TAFA4: variants seen among roughly 807,000 people sequenced by gnomAD.
The protein encoded by TAFA4 is TAFA chemokine like family member 4, also known as chemokine-like protein TAFA-4.
TAFA4 carries 20 observed loss-of-function variants against 21.1 expected under a neutral mutation model. The observed-to-expected ratio is 0.95, with a 90% CI of 0.67 to 1.38. The LOEUF (loss-of-function observed/expected upper bound fraction) is 1.38, where lower values mean the gene tolerates loss of function less well. TAFA4 is among the 40% of genes most tolerant of loss of function. The pLI is 0.00. For synonymous variants in TAFA4, 71 were observed against 67.4 expected (o/e 1.05, Z -0.26); for missense variants, 211 against 180.9 (o/e 1.17, Z -0.95).
At chr3:68,930,464 T>G (rs949409859) in intron 1 of TAFA4, among the ~76,000 whole-genome samples, 1 of 152,156 alleles carries the variant, frequency 6.6e-6, no homozygotes, top group Non-Finnish European at 1.5e-5. Flanking sequence ...TATAATAAAT[T>G]TTAAAGTGTC....
At chr3:68,873,376 A>ACACACACACC (rs1491286222) in intron 3 of TAFA4, among the ~76,000 whole-genome samples, 2 of 138,568 alleles carry the variant, frequency 1.4e-5, no homozygotes, top group East Asian at 6.2e-4. Context: ...ACACACACAC[A>ACACACACACC]CCCTGGGCCA....
At chr3:68,775,374 GA>G (rs1703030935) in intron 3 of TAFA4, among the ~76,000 whole-genome samples, 1 of 152,078 alleles carries the variant, frequency 6.6e-6, no homozygotes, top group African/African-American at 2.4e-5. Context: ...AATGTGGCAG[GA>G]AATCTGTTCC....
intron 3 of TAFA4, among the ~76,000 whole-genome samples, chr3:68,779,604 A>T (rs888875770): frequency 1.3e-5 from 2 of 152,236 alleles, no homozygotes; most frequent in African/African-American, 4.8e-5. Context: ...AGAGGGTTGA[A>T]GCCCCACGAC....
At chr3:68,737,575 A>G (rs372966675) in intron 5 of TAFA4, among the ~76,000 whole-genome samples, 1 of 152,216 alleles carries the variant, frequency 6.6e-6, no homozygotes, top group African/African-American at 2.4e-5. Context: ...AATCTGGGGT[A>G]TAATATCAGC....
chr3:68,804,928 G>C (rs1703660720), intron 3 of TAFA4, among the ~76,000 whole-genome samples: 1 of 152,112 alleles, frequency 6.6e-6, no homozygotes, highest in South Asian at 2.1e-4. Flanking sequence ...AAAAGCAATG[G>C]CAACAAAAGC....
intron 3 of TAFA4, among the ~76,000 whole-genome samples, chr3:68,811,197 G>A (rs561234473): frequency 6.6e-6 from 1 of 152,160 alleles, no homozygotes; most frequent in South Asian, 2.1e-4. Context: ...AAGACCAAAG[G>A]GTAGATAATA....
At chr3:68,914,215 A>G (rs964584144) in intron 1 of TAFA4, among the ~76,000 whole-genome samples, 1 of 152,260 alleles carries the variant, frequency 6.6e-6, no homozygotes, top group African/African-American at 2.4e-5. Flanking sequence ...TACAGGTAAC[A>G]GCAGACATAG....
intron 3 of TAFA4, among the ~76,000 whole-genome samples, chr3:68,817,987 C>G (rs1704026317): frequency 6.6e-6 from 1 of 152,140 alleles, no homozygotes; most frequent in Admixed American, 6.5e-5. Flanking sequence ...GCTTTGGAGC[C>G]TAGCAGTGAC....
intron 3 of TAFA4, among the ~76,000 whole-genome samples, chr3:68,807,933 T>G (rs1703739249): frequency 6.6e-6 from 1 of 152,230 alleles, no homozygotes; most frequent in South Asian, 2.1e-4. Flanking sequence ...ATCTACATAT[T>G]GAGCTACAGA....
At chr3:68,853,182 A>G (rs940667256) in intron 3 of TAFA4, among the ~76,000 whole-genome samples, 1 of 152,142 alleles carries the variant, frequency 6.6e-6, no homozygotes, top group African/African-American at 2.4e-5. Context: ...CACAATGTTT[A>G]TATCTTTATT....
At chr3:68,835,283 T>A (rs1264808162) in intron 3 of TAFA4, among the ~76,000 whole-genome samples, 1 of 152,220 alleles carries the variant, frequency 6.6e-6, no homozygotes. Context: ...TCAGAACTAA[T>A]CACCATCTGA....
intron 3 of TAFA4, among the ~76,000 whole-genome samples, chr3:68,770,645 A>G (rs115532200): frequency 0.011 from 1,686 of 152,290 alleles, 29 homozygotes; most frequent in African/African-American, 0.039. Flanking sequence ...TCCTTCATAC[A>G]TTTTTAAAAA....
intron 3 of TAFA4, among the ~76,000 whole-genome samples, chr3:68,783,691 G>GAA (rs2106800319): frequency 5.4e-5 from 6 of 111,090 alleles, no homozygotes; most frequent in Non-Finnish European, 7.2e-5. Context: ...GAGAGAGAGA[G>GAA]AGAGAGAGAG....
chr3:68,908,374 G>A (rs1487725395), intron 1 of TAFA4, among the ~76,000 whole-genome samples: 1 of 152,118 alleles, frequency 6.6e-6, no homozygotes, highest in Non-Finnish European at 1.5e-5. Flanking sequence ...AATCTCTAGT[G>A]GGAAGCCACG....
intron 3 of TAFA4, among the ~76,000 whole-genome samples, chr3:68,801,573 A>C (rs1227355060): frequency 6.6e-6 from 1 of 152,212 alleles, no homozygotes; most frequent in Non-Finnish European, 1.5e-5. Context: ...TCACCCAGAA[A>C]GGCATTTTTA....
At position 68,784,855 on chromosome 3, in the gene TAFA4, C is replaced by G. The variant is rs540789875; in HGVS notation, c.131-31837G>C. Among the ~76,000 whole-genome samples, 9 of 152,158 alleles carry G rather than the reference C, an allele frequency of 5.9e-5. No homozygotes were observed. In the South Asian group the frequency reaches 1.9e-3, roughly 32 times the overall value. ...GCTAGACACAAAGGTTCTCCACGTC[C>G]CCACCAGATTAGCTAGATACAGAGT... On this transcript the variant is annotated intron_variant, in intron 3 of 5. Coordinates refer to ENST00000295569, the MANE Select transcript of TAFA4 (RefSeq NM_182522.5).
chr3:68,919,007 A>G (rs1486144520), intron 1 of TAFA4, among the ~76,000 whole-genome samples: 1 of 152,202 alleles, frequency 6.6e-6, no homozygotes, highest in East Asian at 1.9e-4. Context: ...TAAGAACGAA[A>G]TTCCAAACCC....
intron 1 of TAFA4, among the ~76,000 whole-genome samples, chr3:68,905,121 A>AATGATT (rs1559559099): frequency 1.3e-5 from 2 of 148,874 alleles, no homozygotes; most frequent in Non-Finnish European, 2.9e-5. Flanking sequence ...CTGGGACAGC[A>AATGATT]CAATGACCAA....
chr3:68,803,689 G>GAAA (rs537676848), intron 3 of TAFA4, among the ~76,000 whole-genome samples: 4 of 136,726 alleles, frequency 2.9e-5, no homozygotes, highest in African/African-American at 1.1e-4. Context: ...CAGTAAGTGG[G>GAAA]AAAAAAAAAA....
Sources: allele counts gnomAD v4.1 joint callset (sites outside exome capture counted in the v4.1 genomes callset), GRCh38; gene constraint gnomAD v4.1.1; transcripts MANE v1.5; gene names NCBI Gene and HGNC (gene_info 2026-07-23, HGNC 2026-07-21).